Variants in SERTAD4 observed in about 807,000 individuals in gnomAD.
SERTAD4 encodes the protein SERTA domain-containing protein 4.
SERTAD4 carries 18 observed loss-of-function variants against 32.9 expected under a neutral mutation model. The ratio of observed to expected loss-of-function variants is 0.55; its 90% CI spans 0.38 to 0.81. The LOEUF (loss-of-function observed/expected upper bound fraction) is 0.81. Among genes scored for constraint, SERTAD4 ranks in the 30% least tolerant of loss-of-function variants. The pLI, the probability that SERTAD4 is intolerant of heterozygous loss-of-function variation, is 0.00. For synonymous variants in SERTAD4, 150 were observed against 156.4 expected (o/e 0.96, Z 0.30); for missense variants, 383 against 426.0 (o/e 0.90, Z 0.89).
At chr1:210,241,529 T>TTC in intron 3 of SERTAD4, 29 bp from the exon 4 acceptor site, 1 of 1,506,398 alleles carries the variant, frequency 6.6e-7, no homozygotes, top group Non-Finnish European at 8.8e-7. Flanking sequence ...TCTGTTTGTT[T>TTC]TTTTCTTTTT....
At chr1:210,241,526 G>T (rs199554413) in intron 3 of SERTAD4, 32 bp from the exon 4 acceptor site, 27 of 1,432,174 alleles carry the variant, frequency 1.9e-5, no homozygotes, top group African/African-American at 1.5e-5. Context: ...TTTTCTGTTT[G>T]TTTTTTTCTT....
At chr1:210,239,333 T>C (rs2083972520) in intron 2 of SERTAD4, among the ~76,000 whole-genome samples, 160 bp from the exon 3 acceptor site, 2 of 152,342 alleles carry the variant, frequency 1.3e-5, no homozygotes, top group African/African-American at 4.8e-5. Flanking sequence ...GGATTCCATA[T>C]GATAGCAACT....
intron 1 of SERTAD4, chr1:210,233,603 GGGCGGC>G: frequency 8.8e-6 from 4 of 453,706 alleles, no homozygotes; most frequent in Non-Finnish European, 4.5e-6. Flanking sequence ...GCTGCGCTGC[GGGCGGC>G]GGCGGCTCCT....
At chr1:210,238,768 A>G (rs974681566) in intron 2 of SERTAD4, among the ~76,000 whole-genome samples, 3 of 152,190 alleles carry the variant, frequency 2.0e-5, no homozygotes, top group Admixed American at 2.0e-4. Context: ...AAATAGAAGT[A>G]TGTTCTTCCT....
Position 210,239,479 on chromosome 1 carries a change from A to G in SERTAD4, c.176-14A>G. 1 of 1,472,366 alleles carries G rather than the reference A, an allele frequency of 6.8e-7. No homozygotes were observed. The highest frequency in any genetic ancestry group is 9.5e-7 in the Non-Finnish European group (1 of 1,055,230). The allele number at this position is 1,472,366 out of a possible 1,614,324, so 91.2% of individuals were successfully genotyped here. On this transcript the variant is annotated splice_polypyrimidine_tract_variant and intron_variant, in intron 2 of 3. Transcript: ENST00000367012. ...AACCGCATGTCATTTGTCATATCTG[A>G]TTTATTACCACAGGATCACATTACA...
intron 1 of SERTAD4, among the ~76,000 whole-genome samples, 179 bp from the exon 2 acceptor site, chr1:210,237,765 A>G (rs2083955053): frequency 6.6e-6 from 1 of 152,182 alleles, no homozygotes; most frequent in Admixed American, 6.5e-5. Context: ...AGCTAATAGC[A>G]GCTAGAGAGT....
rs750101662 is a variant in SERTAD4 at position 210,242,139 on chromosome 1, C to A, written c.873C>A (p.Asn291Lys). The change falls in exon 4 of 4, where the codon AAC becomes AAA. Residue 291 changes from asparagine (N) to lysine (K), a missense_variant. This residue lies in a region of SERTAD4 where 180 missense variants were observed against 190.6 expected (regional missense o/e 0.94). Coordinates refer to ENST00000367012, the MANE Select transcript of SERTAD4 (RefSeq NM_019605.5). This position sits in a 1 kb window ranked among gnomAD's most constrained non-coding sequence, Gnocchi z 4.0. The stretch of plus-strand genomic sequence containing the variant: ...ATGAGAAAGCAAATGATGACACCAA[C>A]AGAGATGGTGGCCCCCTCAGCCACG... ...LNDEKANDDT[N>K]RDGGPLSHEP... is the part of the protein sequence containing the mutation. 1 of 1,614,196 alleles carries A rather than the reference C, an allele frequency of 6.2e-7. No individual in the cohort carries two copies. Among genetic ancestry groups the A allele is most frequent in the Non-Finnish European group, 8.5e-7 (1 of 1,180,030 alleles).
chr1:210,242,194 T>C lies in SERTAD4; in HGVS notation c.928T>C (p.Cys310Arg), dbSNP rs1378107859. 5 of 1,614,118 alleles carry C rather than the reference T, an allele frequency of 3.1e-6. No homozygotes were observed. Among genetic ancestry groups the C allele is most frequent in the South Asian group, 2.2e-5 (2 of 91,084 alleles). ...TGTGGGAAATGACCTTGCTTTTGAG[T>C]GCAAAGGCCAATTTTATGATTATTT... is the stretch of plus-strand genomic sequence containing the variant. Reference protein sequence around the residue: ...EPVGNDLAFECKGQFYDYFET... With the variant: ...EPVGNDLAFERKGQFYDYFET... The change falls in exon 4 of 4, where the codon TGC (cysteine) becomes CGC (arginine). Residue 310 changes from cysteine (C) to arginine (R), a missense_variant. Transcript: ENST00000367012. This position sits in a 1 kb window ranked among gnomAD's most constrained non-coding sequence, Gnocchi z 4.0.
intron 1 of SERTAD4, among the ~76,000 whole-genome samples, chr1:210,235,845 A>C (rs1348471720): frequency 6.6e-6 from 1 of 152,264 alleles, no homozygotes; most frequent in Non-Finnish European, 1.5e-5. Context: ...TTTTGTTTAC[A>C]TGAAATAAAA....
chr1:210,241,327 G>A (rs1009632809), intron 3 of SERTAD4, among the ~76,000 whole-genome samples: 3 of 152,114 alleles, frequency 2.0e-5, no homozygotes, highest in African/African-American at 7.2e-5. Context: ...GACCACACCA[G>A]TGAGTCAGGA....
intron 1 of SERTAD4, chr1:210,234,102 C>T (rs995747569): frequency 6.4e-5 from 18 of 280,012 alleles, no homozygotes; most frequent in Non-Finnish European, 1.1e-4. Context: ...TTCCCGGACA[C>T]TTGGGGTGTT....
At chr1:210,241,469 A>G (rs1016910831) in intron 3 of SERTAD4, 89 bp from the exon 4 acceptor site, 57 of 1,295,694 alleles carry the variant, frequency 4.4e-5, no homozygotes, top group East Asian at 4.3e-4. Flanking sequence ...GAAGTATGCT[A>G]TGATGATGTT....
At chr1:210,241,534 C>T (rs74156115) in intron 3 of SERTAD4, 24 bp from the exon 4 acceptor site, 58,724 of 1,006,196 alleles carry the variant, frequency 0.058, 48 homozygotes, top group East Asian at 0.16. Flanking sequence ...TTGTTTTTTT[C>T]TTTTTTTTTT....
chr1:210,243,112 AAAAC>A lies in SERTAD4; in HGVS notation c.*776_*779del, dbSNP rs2084016678. On this transcript the variant is annotated 3_prime_UTR_variant, in exon 4 of 4. Coordinates refer to ENST00000367012, the MANE Select transcript of SERTAD4 (RefSeq NM_019605.5). ...ACAGGACAAAAAAAAAAAAAAAAAA[AAAAC>A]CACAGGGTGGATCAATATGGTTTGG... The A allele has an allele frequency of 2.1e-6, 2 of 968,186 alleles. No homozygotes were observed. Among genetic ancestry groups the A allele is most frequent in the East Asian group, 1.2e-4 (1 of 8,380 alleles). 60.0% of individuals were successfully genotyped at this position (968,186 alleles called of 1,614,324 possible).
intron 2 of SERTAD4, among the ~76,000 whole-genome samples, chr1:210,239,264 C>G (rs1296489898): frequency 6.6e-6 from 1 of 152,174 alleles, no homozygotes; most frequent in Non-Finnish European, 1.5e-5. Context: ...TTATTAAATG[C>G]TAAAATATGT....
In SERTAD4 at chr1:210,238,126, C is replaced by T. The variant is rs202012113; in HGVS notation, c.166C>T (p.Pro56Ser). Residue 56 changes from proline (P) to serine (S), a missense_variant, in exon 2 of 4, where the codon CCA becomes TCA. Pro to Ser is a moderately conservative substitution (Grantham distance 74). Around this residue, in one of 3 missense-constraint regions of SERTAD4, gnomAD observed 96 missense variants for 76.6 expected, o/e 1.25. Coordinates refer to ENST00000367012, the MANE Select transcript of SERTAD4 (RefSeq NM_019605.5). The part of the protein sequence containing the change: ...PLQGDRGAGP[P>S]LAGSHYRGIS... ...GCAGGGAGACCGGGGAGCTGGTCCC[C>T]CACTGGCAGGTATTGCCCTTGACCT... The T allele has an allele frequency of 3.7e-5, 60 of 1,605,216 alleles. No individual in the cohort carries two copies. The highest frequency in any genetic ancestry group is 2.2e-5 in the South Asian group (2 of 89,906).
chr1:210,243,120 A>ACCG lies in SERTAD4; in HGVS notation c.*783_*784insCCG. ...AAAAAAAAAAAAAAAAAAAAACCAC[A>ACCG]GGGTGGATCAATATGGTTTGGAAAC... is the stretch of plus-strand genomic sequence containing the variant. On this transcript the variant is annotated 3_prime_UTR_variant, in exon 4 of 4. Coordinates refer to ENST00000367012, the MANE Select transcript of SERTAD4 (RefSeq NM_019605.5). The ACCG allele has an allele frequency of 1.1e-6, 1 of 937,698 alleles. No homozygotes were observed. 58.1% of individuals were successfully genotyped at this position (937,698 alleles called of 1,614,324 possible). A position where few individuals can be genotyped will look rare whatever the true frequency, so the allele number is the denominator to read the frequency against.
rs1292785630 is a variant in SERTAD4 at position 210,244,811 on chromosome 1, T to C, written c.*2474T>C. On this transcript the variant is annotated 3_prime_UTR_variant, in exon 4 of 4. Transcript: ENST00000367012. ...GTAGAACCCACTAGAATCACTTCTC[T>C]GTAGGATAAGTGATGCCTTTGAATC... The C allele has an allele frequency of 1.3e-5, 2 of 152,212 alleles. No homozygotes were observed. Among genetic ancestry groups the C allele is most frequent in the African/African-American group, 2.4e-5 (1 of 41,466 alleles). 9.4% of individuals were successfully genotyped at this position (152,212 alleles called of 1,614,324 possible). A position where few individuals can be genotyped will look rare whatever the true frequency, so the allele number is the denominator to read the frequency against.
At chr1:210,236,150 A>G (rs1021616778) in intron 1 of SERTAD4, among the ~76,000 whole-genome samples, 2 of 152,262 alleles carry the variant, frequency 1.3e-5, no homozygotes, top group Admixed American at 1.3e-4. Context: ...AATTTGTTAA[A>G]TCAATGTAGG....
Sources: allele counts gnomAD v4.1 joint callset (sites outside exome capture counted in the v4.1 genomes callset), GRCh38; gene constraint gnomAD v4.1.1; regional missense constraint gnomAD v4.1.1; non-coding constraint Gnocchi (gnomAD v3.1); transcripts MANE v1.5; gene names NCBI Gene and HGNC (gene_info 2026-07-23, HGNC 2026-07-21).